The following CDC73 variants were observed in gnomAD, a reference collection of about 807,000 sequenced individuals.
The protein encoded by CDC73 is parafibromin.
CDC73 carries 21 observed loss-of-function variants against 83.7 expected under a neutral mutation model. The observed-to-expected ratio is 0.25, with a 90% CI of 0.18 to 0.36. CDC73 has a LOEUF of 0.36. Among genes scored for constraint, CDC73 ranks in the 10% least tolerant of loss-of-function variants. CDC73 has a pLI of 1.00. For synonymous variants in CDC73, 224 were observed against 212.9 expected, an observed-to-expected ratio of 1.05 and a Z score of -0.45; for missense variants, 342 against 653.3, an observed-to-expected ratio of 0.52 and a Z score of 5.19.
intron 10 of CDC73, among the ~76,000 whole-genome samples, chr1:193,177,880 C>G (rs1351597036): frequency 6.6e-6 from 1 of 152,182 alleles, no homozygotes. Context: ...CACTTATATA[C>G]TTGATCAAAA....
intron 13 of CDC73, among the ~76,000 whole-genome samples, chr1:193,221,780 C>T (rs796530399): frequency 9.2e-5 from 14 of 152,276 alleles, no homozygotes; most frequent in African/African-American, 3.4e-4. Flanking sequence ...CCTAATGTTT[C>T]TTCCAAGTTT....
intron 11 of CDC73, among the ~76,000 whole-genome samples, chr1:193,211,068 T>C (rs1180138398): frequency 6.6e-6 from 1 of 152,218 alleles, no homozygotes; most frequent in Non-Finnish European, 1.5e-5. Context: ...TTCTCTTTTT[T>C]GCTAGACCTG....
At chr1:193,199,791 A>G (rs1677058853) in intron 10 of CDC73, among the ~76,000 whole-genome samples, 1 of 152,114 alleles carries the variant, frequency 6.6e-6, no homozygotes, top group Admixed American at 6.6e-5. Flanking sequence ...ATTCATAGGA[A>G]TAAGTTACTT....
At chr1:193,247,565 T>C (rs1677975605) in intron 15 of CDC73, among the ~76,000 whole-genome samples, 1 of 152,074 alleles carries the variant, frequency 6.6e-6, no homozygotes, top group Non-Finnish European at 1.5e-5. Flanking sequence ...TGTCAAAAGC[T>C]GAGACAGGCC....
intron 13 of CDC73, among the ~76,000 whole-genome samples, chr1:193,217,372 G>T (rs147694630): frequency 6.6e-6 from 1 of 152,106 alleles, no homozygotes; most frequent in Non-Finnish European, 1.5e-5. Flanking sequence ...TTGTCTTGGT[G>T]TACTGGAAGA....
rs150155773 is a variant in CDC73, at chr1:193,169,994, T to C, written c.972+17550T>C. On this transcript the variant is annotated intron_variant, in intron 10 of 16. Transcript: ENST00000367435. ...CCCCAGTATGTGTGATTCCCCTCTA[T>C]GTATCTGTGTATTATCATCATTTAG... is the stretch of plus-strand genomic sequence containing the variant. Among the ~76,000 whole-genome samples, 38 of 152,272 alleles carry C rather than the reference T, an allele frequency of 2.5e-4. No homozygotes were observed. In the East Asian group the frequency reaches 5.8e-3, roughly 23 times the overall value.
In CDC73 at chr1:193,130,207, C is replaced by G. The variant is rs1558280170; in HGVS notation, c.271C>G (p.Arg91Gly). The change falls in exon 3 of 17, where the codon CGA (arginine) becomes GGA (glycine). Residue 91 changes from arginine (R) to glycine (G), a missense_variant. Around this residue, in one of 3 missense-constraint regions of CDC73, gnomAD observed 99 missense variants for 174.5 expected, o/e 0.57. Transcript: ENST00000367435. ...TATTCCTGTGGTTAGAAGACCTGATCGAAAAGATCTACTTGGATATCTCAA... is the reference window on the plus strand; with the variant it reads ...TATTCCTGTGGTTAGAAGACCTGATGGAAAAGATCTACTTGGATATCTCAA... ...ENIPVVRRPD[R>G]KDLLGYLNGE... 2 of 1,604,690 alleles carry G rather than the reference C, an allele frequency of 1.2e-6. No individual in the cohort carries two copies. The highest frequency in any genetic ancestry group is 1.1e-5 in the South Asian group (1 of 90,894).
At chr1:193,201,636 G>T (rs1019000376) in intron 10 of CDC73, among the ~76,000 whole-genome samples, 4 of 151,938 alleles carry the variant, frequency 2.6e-5, no homozygotes, top group Non-Finnish European at 5.9e-5. Context: ...TTATTACTAG[G>T]GAAACAGAAA....
intron 10 of CDC73, among the ~76,000 whole-genome samples, chr1:193,191,006 C>G (rs1053860369): frequency 6.6e-6 from 1 of 152,286 alleles, no homozygotes; most frequent in Non-Finnish European, 1.5e-5. Flanking sequence ...GCTCTGTGTT[C>G]TGCAGGACTT....
chr1:193,125,298 G>A, intron 2 of CDC73, 81 bp downstream of exon 2: 1 of 901,082 alleles, frequency 1.1e-6, no homozygotes, highest in Admixed American at 1.9e-5. Context: ...TGGCCTTGTT[G>A]CCCGGGCTAG....
At chr1:193,155,992 G>T (rs540623039) in intron 10 of CDC73, among the ~76,000 whole-genome samples, 2 of 152,292 alleles carry the variant, frequency 1.3e-5, no homozygotes, top group South Asian at 4.2e-4. Context: ...TCAGAATTAT[G>T]TGTTAGAAGT....
chr1:193,241,596 T>C (rs1252077410), intron 15 of CDC73, among the ~76,000 whole-genome samples: 1 of 152,084 alleles, frequency 6.6e-6, no homozygotes, highest in Non-Finnish European at 1.5e-5. Context: ...TGTTACCAAT[T>C]GTGGCTTTGA....
chr1:193,206,895 T>TA (rs1450375520), intron 11 of CDC73, among the ~76,000 whole-genome samples: 12 of 152,356 alleles, frequency 7.9e-5, no homozygotes, highest in Non-Finnish European at 1.0e-4. Flanking sequence ...TTTAAACCTA[T>TA]AAAGCTCTAA....
At chr1:193,163,173 GT>G (rs1164512058) in intron 10 of CDC73, among the ~76,000 whole-genome samples, 36 of 151,122 alleles carry the variant, frequency 2.4e-4, no homozygotes, top group African/African-American at 8.8e-4. Flanking sequence ...GTGTGTGTGT[GT>G]GTGGGTGTGT....
chr1:193,202,446 C>T (rs6680224), intron 10 of CDC73, among the ~76,000 whole-genome samples: 103,423 of 151,674 alleles, frequency 0.68, 35,749 homozygotes, highest in South Asian at 0.82. Flanking sequence ...TGTAATATAA[C>T]TGGAGGAAAA....
intron 10 of CDC73, among the ~76,000 whole-genome samples, chr1:193,190,390 A>G (rs771614892): frequency 1.1e-4 from 16 of 152,206 alleles, no homozygotes; most frequent in Non-Finnish European, 1.9e-4. Flanking sequence ...TAATATTAGT[A>G]TAGGTAGTTT....
intron 11 of CDC73, among the ~76,000 whole-genome samples, chr1:193,206,406 A>G (rs1677190198): frequency 6.6e-6 from 1 of 152,156 alleles, no homozygotes; most frequent in African/African-American, 2.4e-5. Flanking sequence ...CATCATTCTA[A>G]AATAATTAAG....
At chr1:193,126,522 A>C (rs1208980429) in intron 2 of CDC73, among the ~76,000 whole-genome samples, 1 of 152,218 alleles carries the variant, frequency 6.6e-6, no homozygotes, top group Non-Finnish European at 1.5e-5. Context: ...GACATGGAAA[A>C]GTACTATAAT....
At chr1:193,128,879 T>C (rs1232383689) in intron 2 of CDC73, among the ~76,000 whole-genome samples, 1 of 152,122 alleles carries the variant, frequency 6.6e-6, no homozygotes, top group Non-Finnish European at 1.5e-5. Context: ...GGATTTAAAC[T>C]GAAATCTGTT....
Sources: allele counts gnomAD v4.1 joint callset (sites outside exome capture counted in the v4.1 genomes callset), GRCh38; gene constraint gnomAD v4.1.1; regional missense constraint gnomAD v4.1.1; transcripts MANE v1.5; gene names NCBI Gene and HGNC (gene_info 2026-07-23, HGNC 2026-07-21).